MYT1L: variants seen among roughly 807,000 people sequenced by gnomAD.
MYT1L encodes the protein myelin transcription factor 1 like.
MYT1L carries 12 observed loss-of-function variants against 126.7 expected under a neutral mutation model. The observed-to-expected ratio is 0.09, with a 90% CI of 0.06 to 0.15. The LOEUF is 0.15. MYT1L is among the 10% of genes least tolerant of loss of function. MYT1L has a pLI of 1.00. For synonymous variants in MYT1L, 541 were observed against 604.2 expected (o/e 0.90, Z 1.53); for missense variants, 979 against 1,585.2 (o/e 0.62, Z 6.49).
intron 2 of MYT1L, among the ~76,000 whole-genome samples, chr2:2,210,844 T>C (rs917657989): frequency 1.1e-4 from 16 of 152,222 alleles, no homozygotes; most frequent in Non-Finnish European, 2.1e-4. Context: ...CAATATTGAT[T>C]CTTCCAATCC....
At chr2:1,982,944 C>G (rs1264787633) in intron 5 of MYT1L, among the ~76,000 whole-genome samples, 2 of 152,190 alleles carry the variant, frequency 1.3e-5, no homozygotes, top group Admixed American at 1.3e-4. Context: ...TATTAGCTAA[C>G]TGCTCATATG....
Position 1,791,093 on chromosome 2 carries a change from G to A in MYT1L, c.*774C>T. On this transcript the variant is annotated 3_prime_UTR_variant, in exon 25 of 25. Coordinates refer to ENST00000647738, the MANE Select transcript of MYT1L (RefSeq NM_001303052.2). This position sits in a 1 kb window ranked among gnomAD's most constrained non-coding sequence, Gnocchi z 6.0. ...CATAGTCACAACCATGTAACGCTTA[G>A]GAGTTAATTTAAAAGTGCTGTTTAA... 4.9e-6 allele frequency: 2 copies of A among 410,770 alleles called. No individual in the cohort carries two copies. Among genetic ancestry groups the A allele is most frequent in the Non-Finnish European group, 9.9e-6 (2 of 202,956 alleles). 25.4% of individuals were successfully genotyped at this position (410,770 alleles called of 1,614,324 possible).
chr2:2,317,221 T>C (rs2096080748), intron 1 of MYT1L, among the ~76,000 whole-genome samples: 3 of 152,224 alleles, frequency 2.0e-5, no homozygotes, highest in South Asian at 2.1e-4. Flanking sequence ...AATCAAACAA[T>C]AGCATCTACT....
chr2:2,065,844 A>G (rs201692135), intron 3 of MYT1L, among the ~76,000 whole-genome samples: 22 of 122,680 alleles, frequency 1.8e-4, no homozygotes, highest in Non-Finnish European at 3.2e-4. Context: ...ACACACACAC[A>G]CACGCACACA....
chr2:2,153,734 G>A (rs2086221938), intron 3 of MYT1L, among the ~76,000 whole-genome samples: 1 of 152,176 alleles, frequency 6.6e-6, no homozygotes, highest in Non-Finnish European at 1.5e-5. Context: ...CCAGCTGACT[G>A]GAGGCCGGCC....
intron 18 of MYT1L, among the ~76,000 whole-genome samples, chr2:1,885,809 G>C (rs548937842): frequency 6.6e-6 from 1 of 152,082 alleles, no homozygotes; most frequent in African/African-American, 2.4e-5. Context: ...TGCTCTCCCC[G>C]GATTGCGGAG....
intron 2 of MYT1L, among the ~76,000 whole-genome samples, chr2:2,196,894 C>T (rs927691397): frequency 5.9e-5 from 9 of 152,094 alleles, no homozygotes; most frequent in African/African-American, 1.9e-4. Flanking sequence ...ACAGGACCAT[C>T]AATAGTCAAA....
chr2:1,904,272 C>T (rs1044324339), intron 13 of MYT1L, among the ~76,000 whole-genome samples: 2 of 152,196 alleles, frequency 1.3e-5, no homozygotes, highest in Admixed American at 6.5e-5. Context: ...TGTCCTCCCC[C>T]TCGACAGCTC....
At chr2:2,322,705 G>A (rs2096190279) in intron 1 of MYT1L, among the ~76,000 whole-genome samples, 1 of 152,068 alleles carries the variant, frequency 6.6e-6, no homozygotes, top group African/African-American at 2.4e-5. Flanking sequence ...ACAAGGTGAG[G>A]TTAAAAAGTA....
chr2:1,987,478 T>C (rs530650942), intron 5 of MYT1L, among the ~76,000 whole-genome samples: 17 of 152,284 alleles, frequency 1.1e-4, no homozygotes, highest in Middle Eastern at 3.4e-3. Context: ...AGCGTTCCCA[T>C]GGGAGGGGCA....
rs142539780 is a variant in MYT1L at position 1,957,755 on chromosome 2, G to A, written c.153-14421C>T. Among the ~76,000 whole-genome samples the A allele has an allele frequency of 4.6e-5, 7 of 152,214 alleles. No individual in the cohort carries two copies. In the East Asian group the frequency reaches 9.7e-4, roughly 21 times the overall value. ...ACCAGCTTCTGAGATGAAGGTCGCC[G>A]AGCATTTATTTCTCTCTGCTGATTC... On this transcript the variant is annotated intron_variant, in intron 8 of 24. Transcript: ENST00000647738.
intron 4 of MYT1L, among the ~76,000 whole-genome samples, chr2:2,029,114 G>A (rs2065943844): frequency 6.6e-6 from 1 of 152,152 alleles, no homozygotes; most frequent in Admixed American, 6.5e-5. Context: ...TAAAGAATCT[G>A]ACTAAATGTA....
intron 1 of MYT1L, chr2:2,305,795 C>T (rs770467779): frequency 6.6e-6 from 1 of 152,112 alleles, no homozygotes; most frequent in Non-Finnish European, 1.5e-5. Context: ...CACTTTCAAA[C>T]AACCAGATCT....
At chr2:2,092,452 C>T (rs900544160) in intron 3 of MYT1L, among the ~76,000 whole-genome samples, 3 of 152,092 alleles carry the variant, frequency 2.0e-5, no homozygotes, top group Admixed American at 6.6e-5. Flanking sequence ...ATAACCAAAG[C>T]AGATATGATG....
chr2:1,931,003 T>A (rs1017149674), intron 9 of MYT1L, among the ~76,000 whole-genome samples: 6 of 152,238 alleles, frequency 3.9e-5, no homozygotes, highest in African/African-American at 1.4e-4. Context: ...TGTGCTGCAT[T>A]TTGCCACTGT....
chr2:2,090,387 G>A (rs2076794394), intron 3 of MYT1L, among the ~76,000 whole-genome samples: 1 of 152,134 alleles, frequency 6.6e-6, no homozygotes, highest in Admixed American at 6.5e-5. Context: ...ACACTATACT[G>A]TAGTCTATTA....
intron 13 of MYT1L, among the ~76,000 whole-genome samples, chr2:1,904,268 C>T (rs879603856): frequency 6.6e-6 from 1 of 152,182 alleles, no homozygotes; most frequent in African/African-American, 2.4e-5. Context: ...GTTCTGTCCT[C>T]CCCCTCGACA....
chr2:1,973,402 C>G (rs1160926186), intron 8 of MYT1L, among the ~76,000 whole-genome samples: 1 of 152,096 alleles, frequency 6.6e-6, no homozygotes, highest in African/African-American at 2.4e-5. Context: ...AATTTCGTTT[C>G]TATAGATTCC....
chr2:2,325,291 T>G (rs1256925740), intron 1 of MYT1L: 2 of 152,226 alleles, frequency 1.3e-5, no homozygotes, highest in Non-Finnish European at 2.9e-5. Flanking sequence ...CTCTAACCAA[T>G]TCTTAAAATC....
Sources: gnomAD v4.1 joint callset for allele counts (sites outside exome capture counted in the v4.1 genomes callset) on GRCh38, gnomAD v4.1.1 for gene constraint, Gnocchi (gnomAD v3.1) non-coding constraint, MANE v1.5 for transcripts, NCBI Gene and HGNC (gene_info 2026-07-23, HGNC 2026-07-21) for gene names.